Variants in UNC79 observed in about 807,000 individuals in gnomAD.
UNC79 encodes protein unc-79 homolog.
In UNC79, 37 loss-of-function variants were observed where a neutral mutation model predicts 283.1. The ratio of observed to expected loss-of-function variants is 0.13; its 90% confidence interval spans 0.10 to 0.17. The LOEUF (loss-of-function observed/expected upper bound fraction) is 0.17, where lower values mean the gene tolerates loss of function less well. UNC79 is among the 10% of genes least tolerant of loss of function. UNC79 has a pLI of 1.00. For synonymous variants in UNC79, 1,107 were observed against 1,200.2 expected (o/e 0.92, Z 1.61); for missense variants, 2,272 against 3,211.1 (o/e 0.71, Z 7.07).
chr14:93,691,559 C>G, intron 45 of UNC79, 190 bp from the exon 49 acceptor site: 1 of 628,484 alleles, frequency 1.6e-6, no homozygotes, highest in Non-Finnish European at 2.8e-6. Flanking sequence ...AGCACACTCC[C>G]ACTGGTGGAG....
At chr14:93,654,145 T>C in intron 37 of UNC79, 120 bp downstream of exon 40, 1 of 640,814 alleles carries the variant, frequency 1.6e-6, no homozygotes, top group Non-Finnish European at 2.4e-6. Flanking sequence ...TGCAATGTTA[T>C]TTAATTTAAA....
At chr14:93,337,575 T>G (rs2053605927) in intron 1 of UNC79, among the ~76,000 whole-genome samples, 1 of 152,116 alleles carries the variant, frequency 6.6e-6, no homozygotes, top group Non-Finnish European at 1.5e-5. Context: ...GGCTGCCACC[T>G]CACATGATAG....
rs2056976431 is a variant in UNC79, at chr14:93,461,969, A to AG, written c.23-5702_23-5701insG. On this transcript the variant is annotated intron_variant, in intron 1 of 48. Coordinates refer to ENST00000555664, the Ensembl canonical transcript of UNC79. ...CATAGAAAGGTTTTCAAGCAAAAAA[A>AG]AAAAAAGAAAGAAAAGAAACACAAA... 1.1e-4 allele frequency among the ~76,000 whole-genome samples: 9 copies of AG among 78,668 alleles called. No homozygotes were observed. The Admixed American group carries it at 1.2e-3, about 11-fold the overall frequency. 51.6% of individuals were successfully genotyped at this position (78,668 alleles called of 152,430 possible).
intron 7 of UNC79, among the ~76,000 whole-genome samples, chr14:93,507,647 T>A (rs926739710): frequency 6.6e-6 from 1 of 152,216 alleles, no homozygotes; most frequent in African/African-American, 2.4e-5. Flanking sequence ...AAATATTTTA[T>A]TCCAGTCTTG....
At chr14:93,629,264 A>G (rs1043049895) in intron 30 of UNC79, among the ~76,000 whole-genome samples, 2 of 152,252 alleles carry the variant, frequency 1.3e-5, no homozygotes, top group African/African-American at 4.8e-5. Context: ...ATAATCTTTC[A>G]GAGAATCCTT....
chr14:93,508,155 G>A (rs2059640966), intron 7 of UNC79, among the ~76,000 whole-genome samples: 1 of 150,480 alleles, frequency 6.6e-6, no homozygotes, highest in African/African-American at 2.4e-5. Flanking sequence ...TAGAGACTTT[G>A]CATTTCCATT....
chr14:93,666,562 A>T (rs575258376), intron 40 of UNC79, among the ~76,000 whole-genome samples: 3 of 152,216 alleles, frequency 2.0e-5, no homozygotes, highest in Non-Finnish European at 4.4e-5. Context: ...GGATAATGTG[A>T]CAATTCAAAA....
chr14:93,654,591 A>G (rs1346693959), intron 37 of UNC79, among the ~76,000 whole-genome samples: 1 of 150,570 alleles, frequency 6.6e-6, no homozygotes, highest in African/African-American at 2.5e-5. Flanking sequence ...AAAAATTAAC[A>G]TAATTTAAAT....
rs558467335 is a variant in UNC79, at chr14:93,639,434, T to C, written c.5801-1711T>C. On this transcript the variant is annotated intron_variant, in intron 32 of 48. Transcript: ENST00000555664. ...TTGTGTCTTCATTTATCTTGGACTA[T>C]TTCTTGCCTTTTCTGTTATTAATCA... Among the ~76,000 whole-genome samples the C allele has an allele frequency of 1.1e-4, 17 of 152,376 alleles. No individual in the cohort carries two copies. In the East Asian group the frequency reaches 3.3e-3, roughly 29 times the overall value.
chr14:93,434,313 G>A (rs1238357037), intron 1 of UNC79, among the ~76,000 whole-genome samples: 2 of 152,168 alleles, frequency 1.3e-5, no homozygotes, highest in Non-Finnish European at 2.9e-5. Flanking sequence ...TATCTGCAGA[G>A]CCTCAAAACA....
chr14:93,474,542 A>G lies in UNC79; in HGVS notation c.448+149A>G. 4 of 900,878 alleles carry G rather than the reference A, an allele frequency of 4.4e-6. No homozygotes were observed. The highest frequency in any genetic ancestry group is 6.5e-6 in the Non-Finnish European group (4 of 612,786). The allele number at this position is 900,878 out of a possible 1,614,324, so 55.8% of individuals were successfully genotyped here. A position where few individuals can be genotyped will look rare whatever the true frequency, so the allele number is the denominator to read the frequency against. On this transcript the variant is annotated intron_variant, in intron 3 of 48. Coordinates refer to ENST00000555664, the Ensembl canonical transcript of UNC79. This position sits in a 1 kb window ranked among gnomAD's most constrained non-coding sequence, Gnocchi z 4.1. ...AGAAGCACTACACTGAAACTTCATT[A>G]TGGTGCTTCCCATACTATTATTTTA...
intron 26 of UNC79, among the ~76,000 whole-genome samples, chr14:93,606,431 G>C (rs188394781): frequency 3.9e-5 from 6 of 152,276 alleles, no homozygotes; most frequent in African/African-American, 7.2e-5. Flanking sequence ...AACTACTGTA[G>C]GGTTCCATTT....
chr14:93,706,922 C>T, downstream of UNC79: 1 of 1,613,798 alleles, frequency 6.2e-7, no homozygotes, highest in Non-Finnish European at 8.5e-7. Flanking sequence ...CCTCGGCGCT[C>T]AGTGTCAACA....
At chr14:93,558,736 C>T (rs2062358727) in intron 14 of UNC79, among the ~76,000 whole-genome samples, 1 of 151,038 alleles carries the variant, frequency 6.6e-6, no homozygotes, top group Non-Finnish European at 1.5e-5. Context: ...TTTTGGTTTC[C>T]CTGTCTCTGC....
intron 11 of UNC79, among the ~76,000 whole-genome samples, chr14:93,533,667 G>T (rs2060933037): frequency 6.6e-6 from 1 of 152,106 alleles, no homozygotes. Context: ...CTCACTCAAG[G>T]CCTCTCAGAA....
Position 93,441,718 on chromosome 14 carries a change from A to G in UNC79, c.22+10667A>G, listed in dbSNP as rs146423937. Reference sequence around the variant, plus strand: ...ATTTTGTTTACAATTAATACCCATTAGACAATCATATCCATATGCCCTCCA... The same window carrying G: ...ATTTTGTTTACAATTAATACCCATTGGACAATCATATCCATATGCCCTCCA... On this transcript the variant is annotated intron_variant, in intron 1 of 48. Coordinates refer to ENST00000555664, the Ensembl canonical transcript of UNC79. Among the ~76,000 whole-genome samples, 280 of 152,304 alleles carry G rather than the reference A, an allele frequency of 1.8e-3. 2 individuals carry two copies. Among genetic ancestry groups the G allele is most frequent in the African/African-American group, 6.4e-3 (267 of 41,588 alleles).
chr14:93,520,432 T>TG (rs1340231971), intron 7 of UNC79, among the ~76,000 whole-genome samples: 1 of 151,920 alleles, frequency 6.6e-6, no homozygotes, highest in Admixed American at 6.6e-5. Flanking sequence ...TTCTTGGATT[T>TG]GGGGGTTGTT....
intron 14 of UNC79, among the ~76,000 whole-genome samples, chr14:93,561,295 G>T (rs1002647591): frequency 1.8e-4 from 28 of 152,284 alleles, no homozygotes; most frequent in Admixed American, 1.2e-3. Context: ...GTCCAAATAT[G>T]GGGGGAGTAG....
At chr14:93,556,050 G>T (rs1041049640) in intron 14 of UNC79, among the ~76,000 whole-genome samples, 3 of 152,164 alleles carry the variant, frequency 2.0e-5, no homozygotes, top group Non-Finnish European at 2.9e-5. Context: ...AGGCAGAACA[G>T]ATCTCCCAAA....
Sources: gnomAD v4.1 joint callset for allele counts (sites outside exome capture counted in the v4.1 genomes callset) on GRCh38, gnomAD v4.1.1 for gene constraint, Gnocchi (gnomAD v3.1) non-coding constraint, MANE v1.5 for transcripts, NCBI Gene and HGNC (gene_info 2026-07-23, HGNC 2026-07-21) for gene names.